The following FER1L6 variants were observed in gnomAD, a reference collection of about 807,000 sequenced individuals.
FER1L6 encodes fer-1-like protein 6.
Under a neutral mutation model 219.2 loss-of-function variants are expected in FER1L6, and 177 were observed. The observed-to-expected ratio is 0.81, with a 90% confidence interval of 0.71 to 0.91. FER1L6 has a LOEUF of 0.91. Ranked by LOEUF, FER1L6 falls within the 40% of genes least tolerant of loss-of-function variation. The pLI is 0.00. For missense variants in FER1L6, 2,153 were observed against 2,259.9 expected, an observed-to-expected ratio of 0.95 and a Z score of 0.96; for synonymous variants, 768 against 824.3, an observed-to-expected ratio of 0.93 and a Z score of 1.17.
intron 35 of FER1L6, among the ~76,000 whole-genome samples, chr8:124,096,738 A>C (rs367691177): frequency 6.6e-6 from 1 of 152,168 alleles, no homozygotes. Context: ...GTGAACATTA[A>C]CAGAGATAAT....
chr8:123,867,853 G>A (rs1476096682), intron 1 of FER1L6, among the ~76,000 whole-genome samples: 1 of 152,094 alleles, frequency 6.6e-6, no homozygotes, highest in Non-Finnish European at 1.5e-5. Flanking sequence ...GCCCACCAGT[G>A]GGGTCCACTC....
chr8:123,940,526 C>A (rs112118657), intron 1 of FER1L6, among the ~76,000 whole-genome samples: 1 of 152,010 alleles, frequency 6.6e-6, no homozygotes, highest in African/African-American at 2.4e-5. Context: ...TTAGTAGAGA[C>A]GGGGTTTTGC....
At chr8:123,958,900 G>C (rs923950598) in intron 2 of FER1L6, among the ~76,000 whole-genome samples, 14 of 151,668 alleles carry the variant, frequency 9.2e-5, no homozygotes, top group African/African-American at 1.7e-4. Flanking sequence ...CAGAGAGCTT[G>C]TGAGATTCGA....
At chr8:123,867,135 T>G (rs1416899356) in intron 1 of FER1L6, among the ~76,000 whole-genome samples, 2 of 152,212 alleles carry the variant, frequency 1.3e-5, no homozygotes, top group Admixed American at 6.5e-5. Flanking sequence ...GAGAAAGTGT[T>G]GCCTAGACCA....
intron 18 of FER1L6, among the ~76,000 whole-genome samples, chr8:124,035,047 C>G (rs969709486): frequency 2.0e-5 from 3 of 152,156 alleles, no homozygotes; most frequent in African/African-American, 7.2e-5. Context: ...TATCACAGTG[C>G]AGGTTTAAGC....
At chr8:123,910,989 A>G (rs746371830) in intron 1 of FER1L6, among the ~76,000 whole-genome samples, 6 of 152,232 alleles carry the variant, frequency 3.9e-5, no homozygotes, top group Admixed American at 2.0e-4. Context: ...AGGGTGAGTC[A>G]CTCATTATGC....
intron 33 of FER1L6, among the ~76,000 whole-genome samples, chr8:124,090,847 T>A (rs1267243379): frequency 6.6e-6 from 1 of 152,068 alleles, no homozygotes; most frequent in Non-Finnish European, 1.5e-5. Context: ...GGTGGGGTGG[T>A]GGGGTAGGGA....
intron 38 of FER1L6, among the ~76,000 whole-genome samples, chr8:124,101,561 A>G (rs1199099942): frequency 6.6e-6 from 1 of 152,238 alleles, no homozygotes; most frequent in African/African-American, 2.4e-5. Flanking sequence ...AAGTTGATCT[A>G]TCACTAAAAA....
At chr8:124,114,895 G>GTGTGTA (rs368797867) in intron 39 of FER1L6, among the ~76,000 whole-genome samples, 1 of 90,050 alleles carries the variant, frequency 1.1e-5, no homozygotes, top group African/African-American at 3.9e-5. Flanking sequence ...GTGTGTGTGC[G>GTGTGTA]TATATATATA....
intron 1 of FER1L6, among the ~76,000 whole-genome samples, chr8:123,895,266 C>A (rs985497713): frequency 1.3e-5 from 2 of 152,168 alleles, no homozygotes; most frequent in African/African-American, 2.4e-5. Context: ...GATGAGGAAC[C>A]ATTGCTAACT....
chr8:124,013,028 T>C (rs1255565245), intron 14 of FER1L6, among the ~76,000 whole-genome samples: 2 of 118,670 alleles, frequency 1.7e-5, no homozygotes, highest in Non-Finnish European at 4.0e-5. Context: ...AATATGATTA[T>C]ATCCCTATGT....
chr8:124,108,964 AT>A (rs1822897073), intron 39 of FER1L6, among the ~76,000 whole-genome samples: 1 of 152,188 alleles, frequency 6.6e-6, no homozygotes, highest in African/African-American at 2.4e-5. Flanking sequence ...TTTATAAATG[AT>A]TCTCCTGAAG....
At chr8:124,044,150 G>C (rs560100252) in intron 20 of FER1L6, among the ~76,000 whole-genome samples, 109 of 152,318 alleles carry the variant, frequency 7.2e-4, no homozygotes, top group African/African-American at 2.4e-3. Flanking sequence ...GTATTACGCT[G>C]TCAAGTGCAT....
chr8:124,017,613 A>T lies in FER1L6; in HGVS notation c.1923-15A>T. 1 of 1,593,136 alleles carries T rather than the reference A, an allele frequency of 6.3e-7. No individual in the cohort carries two copies. Among genetic ancestry groups the T allele is most frequent in the Non-Finnish European group, 8.6e-7 (1 of 1,163,438 alleles). On this transcript the variant is annotated splice_polypyrimidine_tract_variant and intron_variant, in intron 15 of 40. Coordinates refer to ENST00000522917, the MANE Select transcript of FER1L6 (RefSeq NM_001039112.2). ...TCACTAAGTAGGTTTCAAAATTGTT[A>T]TTCTTTTCTTATAGTGCCTTTATCT...
intron 1 of FER1L6, among the ~76,000 whole-genome samples, chr8:123,879,615 G>A (rs544293632): frequency 6.6e-6 from 1 of 152,062 alleles, no homozygotes; most frequent in Admixed American, 6.5e-5. Flanking sequence ...ATGAACCACC[G>A]TGCCTGGCCG....
In FER1L6 at chr8:124,062,987, G is replaced by A. The variant is rs180734138; in HGVS notation, c.3328+955G>A. ...TAGATTTTTGTTTTGCTTTGGTTTG[G>A]TTTTAGTTTTTTGCTACCCTGTGGA... On this transcript the variant is annotated intron_variant, in intron 25 of 40. Coordinates refer to ENST00000522917, the MANE Select transcript of FER1L6 (RefSeq NM_001039112.2). 3.5e-3 allele frequency among the ~76,000 whole-genome samples: 526 copies of A among 152,184 alleles called. 4 individuals are homozygous for A. The highest frequency in any genetic ancestry group is 0.014 in the Middle Eastern group (4 of 294).
intron 20 of FER1L6, among the ~76,000 whole-genome samples, chr8:124,044,527 C>T (rs978806687): frequency 1.3e-5 from 2 of 152,138 alleles, no homozygotes; most frequent in East Asian, 1.9e-4. Flanking sequence ...ACAGTTGATA[C>T]GAGTTTTGGA....
intron 18 of FER1L6, among the ~76,000 whole-genome samples, chr8:124,029,925 T>C (rs1403451505): frequency 6.6e-6 from 1 of 152,252 alleles, no homozygotes; most frequent in African/African-American, 2.4e-5. Flanking sequence ...TTAATCCATC[T>C]TGAGTTAATT....
intron 10 of FER1L6, 85 bp from the exon 11 acceptor site, chr8:123,980,380 G>T: frequency 9.1e-7 from 1 of 1,102,636 alleles, no homozygotes; most frequent in Non-Finnish European, 1.3e-6. Context: ...CGTCTTTCTT[G>T]GATATTCTAC....
Sources: allele counts gnomAD v4.1 joint callset (sites outside exome capture counted in the v4.1 genomes callset), GRCh38; gene constraint gnomAD v4.1.1; transcripts MANE v1.5; gene names NCBI Gene and HGNC (gene_info 2026-07-23, HGNC 2026-07-21).